RP2: variants seen among roughly 807,000 people sequenced by gnomAD.
RP2 encodes RP2 activator of ARL3 GTPase.
RP2 carries 3 observed loss-of-function variants against 20.3 expected under a neutral mutation model. The observed-to-expected ratio is 0.15, with a 90% CI of 0.07 to 0.38. The LOEUF (loss-of-function observed/expected upper bound fraction) is 0.38, where lower values mean the gene tolerates loss of function less well. Ranked by LOEUF, RP2 falls within the 10% of genes least tolerant of loss-of-function variation. RP2 has a pLI of 1.00. For missense variants in RP2, 233 were observed against 268.5 expected, an observed-to-expected ratio of 0.87 and a Z score of 0.92; for synonymous variants, 75 against 94.8, an observed-to-expected ratio of 0.79 and a Z score of 1.22.
chrX:46,849,486 A>T (rs1042435955), intron 1 of RP2, among the ~76,000 whole-genome samples: 7 of 111,716 alleles, frequency 6.3e-5, no homozygotes, highest in Admixed American at 2.9e-4. Flanking sequence ...TCCTAGTCTC[A>T]CTAGGCCACT....
intron 2 of RP2, among the ~76,000 whole-genome samples, chrX:46,859,099 A>G (rs1265881856): frequency 9.0e-6 from 1 of 111,639 alleles, no homozygotes; most frequent in Non-Finnish European, 1.9e-5. Flanking sequence ...TGTAAAGTAC[A>G]TAAAACTGCC....
chrX:46,874,292 T>C (rs1925337574), intron 3 of RP2, among the ~76,000 whole-genome samples: 1 of 111,793 alleles, frequency 8.9e-6, no homozygotes, highest in African/African-American at 3.2e-5. Flanking sequence ...CTGGAACTTT[T>C]AATAATAAAT....
At chrX:46,857,661 TTCA>T (rs1466728566) in intron 2 of RP2, among the ~76,000 whole-genome samples, 1 of 112,603 alleles carries the variant, frequency 8.9e-6, no homozygotes, top group African/African-American at 3.2e-5. Context: ...TTGAGAGTAC[TTCA>T]TCATCTGAAA....
At chrX:46,839,140 A>T (rs1556314234) in intron 1 of RP2, among the ~76,000 whole-genome samples, 1 of 112,618 alleles carries the variant, frequency 8.9e-6, no homozygotes, top group Non-Finnish European at 1.9e-5. Context: ...GACAATGCAG[A>T]TACCACATTT....
intron 1 of RP2, among the ~76,000 whole-genome samples, chrX:46,843,037 T>G (rs1924652600): frequency 2.0e-5 from 2 of 100,751 alleles, no homozygotes; most frequent in African/African-American, 7.4e-5. Context: ...AGACGTAGTC[T>G]CACTCTGTCG....
intron 4 of RP2, among the ~76,000 whole-genome samples, chrX:46,879,062 TAAAAAAAAAAAAAAAAAAA>T (rs35579507): frequency 6.1e-5 from 2 of 33,049 alleles, no homozygotes; most frequent in Non-Finnish European, 9.0e-5. Context: ...CTACAAAAAG[TAAAAAAAAAAAAAAAAAAA>T]AAAAAAAAAC....
chrX:46,874,495 TAG>T (rs1430114505), intron 3 of RP2, among the ~76,000 whole-genome samples: 42 of 111,116 alleles, frequency 3.8e-4, no homozygotes, highest in Admixed American at 1.1e-3. Context: ...GTACTAAATG[TAG>T]AGAGTACAAT....
intron 1 of RP2, among the ~76,000 whole-genome samples, chrX:46,846,787 G>A (rs1213659197): frequency 9.0e-6 from 1 of 111,045 alleles, no homozygotes; most frequent in African/African-American, 3.3e-5. Context: ...ACAGTGGCAT[G>A]ATCATGGCTC....
intron 2 of RP2, among the ~76,000 whole-genome samples, chrX:46,856,964 A>G (rs1924972081): frequency 8.9e-6 from 1 of 112,079 alleles, no homozygotes; most frequent in Admixed American, 9.5e-5. Context: ...GGAAATATGT[A>G]TAGAAGCTAG....
chrX:46,851,470 C>T (rs1038548510), intron 1 of RP2, among the ~76,000 whole-genome samples: 2 of 106,934 alleles, frequency 1.9e-5, no homozygotes, highest in Admixed American at 2.0e-4. Context: ...AACCCCATCT[C>T]TACTAAAAAT....
chrX:46,871,413 TA>T (rs1925289060), intron 3 of RP2, among the ~76,000 whole-genome samples: 1 of 112,118 alleles, frequency 8.9e-6, no homozygotes, highest in East Asian at 2.8e-4. Flanking sequence ...ACCACTGATT[TA>T]GTTAAAACTA....
rs1255660602 is a variant in RP2 at position 46,844,008 on chromosome X, A to G, written c.102+6806A>G. 1.2e-4 allele frequency among the ~76,000 whole-genome samples: 13 copies of G among 111,654 alleles called. No homozygotes were observed. The Admixed American group carries it at 1.2e-3, about 11-fold the overall frequency. On this transcript the variant is annotated intron_variant, in intron 1 of 4. Coordinates refer to ENST00000218340, the MANE Select transcript of RP2 (RefSeq NM_006915.3). ...TTTATAGAAGTTTTAAGAATGAAGC[A>G]TCAAAAAAGAAAAGGTATCAGAAAG... is the stretch of plus-strand genomic sequence containing the variant.
At chrX:46,845,324 ATTAG>A (rs1487571353) in intron 1 of RP2, among the ~76,000 whole-genome samples, 1 of 112,394 alleles carries the variant, frequency 8.9e-6, no homozygotes, top group African/African-American at 3.2e-5. Flanking sequence ...TTTCAGCACT[ATTAG>A]TTCTATAATT....
rs377018874 is a variant in RP2 at position 46,877,594 on chromosome X, C to G, written c.969+4C>G. 3 of 1,121,812 alleles carry G rather than the reference C, an allele frequency of 2.7e-6. No homozygotes were observed. Among genetic ancestry groups the G allele is most frequent in the Non-Finnish European group, 3.7e-6 (3 of 815,048 alleles). 92.4% of individuals were successfully genotyped at this position (1,121,812 alleles called of 1,213,427 possible). A position where few individuals can be genotyped will look rare whatever the true frequency, so the allele number is the denominator to read the frequency against. ...CGAGATATTCAATGGGACCAAGGTA[C>G]AAGATTTTATTGACTGTATTTCAAT... is the stretch of plus-strand genomic sequence containing the variant. On this transcript the variant is annotated splice_donor_region_variant and intron_variant, in intron 4 of 4. Coordinates refer to ENST00000218340, the MANE Select transcript of RP2 (RefSeq NM_006915.3).
At chrX:46,845,675 C>T (rs1455291112) in intron 1 of RP2, among the ~76,000 whole-genome samples, 3 of 111,959 alleles carry the variant, frequency 2.7e-5, no homozygotes, top group African/African-American at 9.7e-5. Context: ...ATGTCATATA[C>T]ATGGAATCAT....
chrX:46,843,200 G>C (rs1243427152), intron 1 of RP2, among the ~76,000 whole-genome samples: 1 of 109,789 alleles, frequency 9.1e-6, no homozygotes, highest in Non-Finnish European at 1.9e-5. Context: ...GTAGAGACGG[G>C]GTTTCACCAT....
chrX:46,879,062 TAAAAAAAAAA>T (rs35579507), intron 4 of RP2, among the ~76,000 whole-genome samples: 7 of 33,049 alleles, frequency 2.1e-4, no homozygotes, highest in African/African-American at 3.2e-4. Flanking sequence ...CTACAAAAAG[TAAAAAAAAAA>T]AAAAAAAAAA....
chrX:46,854,111 T>C lies in RP2; in HGVS notation c.738T>C (p.Thr246=). 7 of 1,211,047 alleles carry C rather than the reference T, an allele frequency of 5.8e-6. No homozygotes were observed. The highest frequency in any genetic ancestry group is 7.8e-6 in the Non-Finnish European group (7 of 894,821). Residue 246 remains threonine (T), a synonymous_variant, in exon 2 of 5, where the codon ACT becomes ACC. Transcript: ENST00000218340. ...CLVVLFAGDY[T]IANARKLIDE... is the part of the protein sequence containing the mutation. ...TGGTATTATTTGCTGGTGATTACACTATTGCAAATGCCAGAAAACTAATTG... is the reference window on the plus strand; with the variant it reads ...TGGTATTATTTGCTGGTGATTACACCATTGCAAATGCCAGAAAACTAATTG...
intron 3 of RP2, among the ~76,000 whole-genome samples, chrX:46,872,822 C>T (rs1370994652): frequency 2.7e-5 from 3 of 111,223 alleles, no homozygotes; most frequent in Non-Finnish European, 5.7e-5. Flanking sequence ...ACTGCAGCTT[C>T]GACCTCCAGA....
Sources: allele counts gnomAD v4.1 joint callset (sites outside exome capture counted in the v4.1 genomes callset), GRCh38; gene constraint gnomAD v4.1.1; transcripts MANE v1.5; gene names NCBI Gene and HGNC (gene_info 2026-07-23, HGNC 2026-07-21).